UTRN: variants seen among roughly 807,000 people sequenced by gnomAD.
UTRN encodes dystrophin-related protein 1.
UTRN carries 283 observed loss-of-function variants against 463.9 expected under a neutral mutation model. That is an observed-to-expected ratio of 0.61 (90% confidence interval 0.55 to 0.67). The LOEUF (loss-of-function observed/expected upper bound fraction) is 0.67, where lower values mean the gene tolerates loss of function less well. Among genes scored for constraint, UTRN ranks in the 30% least tolerant of loss-of-function variants. The pLI is 0.00. For synonymous variants in UTRN, 1,442 were observed against 1,431.5 expected (o/e 1.01, Z -0.17); for missense variants, 3,922 against 4,084.3 (o/e 0.96, Z 1.08).
intron 53 of UTRN, among the ~76,000 whole-genome samples, chr6:144,704,601 A>C (rs1283568415): frequency 6.6e-6 from 1 of 152,156 alleles, no homozygotes; most frequent in Non-Finnish European, 1.5e-5. Flanking sequence ...TAAGTAAGTT[A>C]GTTGCCATCA....
chr6:144,307,046 C>A (rs1246275556), intron 2 of UTRN, among the ~76,000 whole-genome samples: 1 of 149,868 alleles, frequency 6.7e-6, no homozygotes, highest in African/African-American at 2.5e-5. Flanking sequence ...GCCTGGGTGG[C>A]AGAGTGTGAC....
chr6:144,546,079 T>C (rs576771226), intron 46 of UTRN, among the ~76,000 whole-genome samples: 3 of 152,282 alleles, frequency 2.0e-5, no homozygotes, highest in African/African-American at 7.2e-5. Context: ...ATTTGATGAA[T>C]TAAAACAATG....
intron 71 of UTRN, among the ~76,000 whole-genome samples, chr6:144,837,915 C>T (rs140203171): frequency 3.3e-5 from 5 of 152,292 alleles, no homozygotes; most frequent in South Asian, 2.1e-4. Flanking sequence ...TGACCCAAGA[C>T]GTGGGTTTCT....
At chr6:144,300,240 C>T (rs925455174) in intron 2 of UTRN, among the ~76,000 whole-genome samples, 2 of 152,114 alleles carry the variant, frequency 1.3e-5, no homozygotes, top group African/African-American at 2.4e-5. Flanking sequence ...CAGGTGTGTG[C>T]CACCATGCCT....
intron 2 of UTRN, among the ~76,000 whole-genome samples, chr6:144,342,621 A>G (rs1777228803): frequency 6.6e-6 from 1 of 152,236 alleles, no homozygotes; most frequent in African/African-American, 2.4e-5. Flanking sequence ...GCTAGTCACA[A>G]AAAACCATAT....
intron 52 of UTRN, among the ~76,000 whole-genome samples, chr6:144,684,592 A>T (rs973629940): frequency 2.0e-5 from 3 of 152,154 alleles, no homozygotes; most frequent in Non-Finnish European, 4.4e-5. Context: ...TCCAGAGTAC[A>T]CATTTTATTT....
intron 51 of UTRN, among the ~76,000 whole-genome samples, chr6:144,629,674 A>C (rs1217655874): frequency 6.6e-6 from 1 of 152,098 alleles, no homozygotes; most frequent in African/African-American, 2.4e-5. Flanking sequence ...GTGCTTTTGA[A>C]CTCCAATGTA....
chr6:144,841,583 A>G (rs1020737674), intron 73 of UTRN, among the ~76,000 whole-genome samples: 2 of 152,180 alleles, frequency 1.3e-5, no homozygotes, highest in Non-Finnish European at 2.9e-5. Flanking sequence ...CATACAAGTA[A>G]ACTGTATATA....
At chr6:144,727,722 A>G (rs1438466888) in intron 53 of UTRN, among the ~76,000 whole-genome samples, 1 of 152,036 alleles carries the variant, frequency 6.6e-6, no homozygotes, top group Non-Finnish European at 1.5e-5. Context: ...CTGAGATCGC[A>G]CCACTGCACT....
chr6:144,491,207 G>A (rs1793042411), intron 32 of UTRN, 105 bp downstream of exon 32: 1 of 1,119,584 alleles, frequency 8.9e-7, no homozygotes, highest in East Asian at 2.5e-5. Context: ...CTAGTCTACA[G>A]TGTGCTAAAC....
Position 144,581,771 on chromosome 6 carries a change from G to A in UTRN, c.7479+4483G>A, listed in dbSNP as rs548084678. On this transcript the variant is annotated intron_variant, in intron 51 of 74. Coordinates refer to ENST00000367545, the MANE Select transcript of UTRN (RefSeq NM_007124.3). ...GTTTCTAGTCTATTCACGATTGTAC[G>A]ACCATCACCACAATCAAGTTAGAAC... Among the ~76,000 whole-genome samples, 100 of 152,118 alleles carry A rather than the reference G, an allele frequency of 6.6e-4. 1 individual carries two copies. The highest frequency in any genetic ancestry group is 2.3e-3 in the Admixed American group (35 of 15,272).
chr6:144,835,484 T>C (rs970371525), intron 69 of UTRN, among the ~76,000 whole-genome samples: 2 of 152,228 alleles, frequency 1.3e-5, no homozygotes, highest in Non-Finnish European at 2.9e-5. Flanking sequence ...GTAGCTTTTA[T>C]ACTAAATGCT....
At chr6:144,731,488 C>T (rs1454412626) in intron 54 of UTRN, among the ~76,000 whole-genome samples, 5 of 152,176 alleles carry the variant, frequency 3.3e-5, no homozygotes, top group African/African-American at 9.6e-5. Context: ...AAATCATGAA[C>T]ATTTATTACT....
chr6:144,292,279 TCA>T (rs1157954674), intron 2 of UTRN, among the ~76,000 whole-genome samples: 3 of 152,256 alleles, frequency 2.0e-5, no homozygotes, highest in African/African-American at 7.2e-5. Flanking sequence ...GAAAGATCTT[TCA>T]CAGTTTGATT....
intron 3 of UTRN, among the ~76,000 whole-genome samples, chr6:144,415,396 C>T (rs1040686672): frequency 6.6e-6 from 1 of 152,178 alleles, no homozygotes; most frequent in Admixed American, 6.5e-5. Flanking sequence ...ACTGGAAAAT[C>T]CAAGGCCCAA....
chr6:144,491,323 A>T (rs1340377432), intron 32 of UTRN, among the ~76,000 whole-genome samples: 5 of 152,238 alleles, frequency 3.3e-5, no homozygotes, highest in African/African-American at 1.2e-4. Context: ...TAGAATAGAC[A>T]TGTATATAAC....
At chr6:144,499,518 T>G in intron 34 of UTRN, 91 bp downstream of exon 34, 1 of 1,111,688 alleles carries the variant, frequency 9.0e-7, no homozygotes. Flanking sequence ...GTCCCTCCAT[T>G]TTATATTAAA....
At chr6:144,570,024 A>G (rs1800794437) in intron 50 of UTRN, among the ~76,000 whole-genome samples, 1 of 152,198 alleles carries the variant, frequency 6.6e-6, no homozygotes, top group African/African-American at 2.4e-5. Context: ...CGTGTTGATC[A>G]CTGACAAAAC....
At chr6:144,578,863 C>T (rs1801698759) in intron 51 of UTRN, among the ~76,000 whole-genome samples, 1 of 152,142 alleles carries the variant, frequency 6.6e-6, no homozygotes, top group South Asian at 2.1e-4. Flanking sequence ...TGAAAAAGAC[C>T]ATTTTGTAAA....
Sources: gnomAD v4.1 joint callset for allele counts (sites outside exome capture counted in the v4.1 genomes callset) on GRCh38, gnomAD v4.1.1 for gene constraint, MANE v1.5 for transcripts, NCBI Gene and HGNC (gene_info 2026-07-23, HGNC 2026-07-21) for gene names.